Variants in SLC38A4 observed in about 807,000 individuals in gnomAD.
SLC38A4 encodes solute carrier family 38 member 4, also known as sodium-coupled neutral amino acid transporter 4.
In SLC38A4, 20 loss-of-function variants were observed where a neutral mutation model predicts 63.1. The ratio of observed to expected loss-of-function variants is 0.32; its 90% CI spans 0.22 to 0.46. SLC38A4 has a LOEUF of 0.46. Among genes scored for constraint, SLC38A4 ranks in the 20% least tolerant of loss-of-function variants. The probability of loss-of-function intolerance (pLI) is 1.00; values close to 1 mark genes in which losing one functional copy is unlikely to be tolerated. For synonymous variants in SLC38A4, 230 were observed against 225.5 expected, an observed-to-expected ratio of 1.02 and a Z score of -0.18; for missense variants, 526 against 663.6, an observed-to-expected ratio of 0.79 and a Z score of 2.28.
intron 12 of SLC38A4, among the ~76,000 whole-genome samples, chr12:46,778,080 T>C (rs1456287203): frequency 1.3e-5 from 2 of 151,900 alleles, no homozygotes; most frequent in Admixed American, 1.3e-4. Flanking sequence ...TGAACCATTA[T>C]GGTGGAGAGA....
At position 46,817,552 on chromosome 12, in the gene SLC38A4, T is replaced by C. The variant is rs374740427; in HGVS notation, c.-305+8351A>G. 1.6e-3 allele frequency among the ~76,000 whole-genome samples: 240 copies of C among 151,916 alleles called. 3 individuals carry two copies. In the South Asian group the frequency reaches 0.044, roughly 28 times the overall value. On this transcript the variant is annotated intron_variant, in intron 1 of 16. Coordinates refer to ENST00000266579, the MANE Select transcript of SLC38A4 (RefSeq NM_018018.5). ...TCACAAGGTACAAATTGCCAACCCT[T>C]CTTGCACTTATTGTTGCTCCCTCCC...
chr12:46,812,657 A>C (rs1196471151), intron 1 of SLC38A4, among the ~76,000 whole-genome samples: 1 of 152,100 alleles, frequency 6.6e-6, no homozygotes, highest in Non-Finnish European at 1.5e-5. Flanking sequence ...TTAGTAAATT[A>C]AAGCAAGGAA....
chr12:46,775,479 G>A (rs2075335), intron 13 of SLC38A4, among the ~76,000 whole-genome samples: 3,745 of 151,994 alleles, frequency 0.025, 181 homozygotes, highest in East Asian at 0.23. Context: ...AGAGACCAAG[G>A]TGCTCTTGTT....
chr12:46,778,802 A>C, intron 10 of SLC38A4, 26 bp from the exon 11 acceptor site: 2 of 1,595,574 alleles, frequency 1.3e-6, no homozygotes, highest in Non-Finnish European at 1.7e-6. Context: ...AAAAAAGAAA[A>C]AAAAATCAGC....
chr12:46,809,196 G>C (rs549615607), intron 1 of SLC38A4, among the ~76,000 whole-genome samples: 1 of 152,056 alleles, frequency 6.6e-6, no homozygotes, highest in African/African-American at 2.4e-5. Context: ...AAGCAAGGGG[G>C]CCCTCCTAAA....
intron 1 of SLC38A4, among the ~76,000 whole-genome samples, chr12:46,804,388 T>C (rs952958927): frequency 1.3e-5 from 2 of 152,062 alleles, no homozygotes; most frequent in Non-Finnish European, 2.9e-5. Context: ...CCATATTTTA[T>C]ATGTTGGCAA....
chr12:46,800,564 G>C (rs1037369362), intron 2 of SLC38A4, among the ~76,000 whole-genome samples: 1 of 151,846 alleles, frequency 6.6e-6, no homozygotes, highest in African/African-American at 2.4e-5. Context: ...ATCTTTAAAG[G>C]CCAATTGGTC....
intron 13 of SLC38A4, among the ~76,000 whole-genome samples, chr12:46,776,670 G>A (rs1938532194): frequency 6.6e-6 from 1 of 151,958 alleles, no homozygotes; most frequent in African/African-American, 2.4e-5. Flanking sequence ...TTGTTTGAGG[G>A]ATATTTTTTA....
intron 1 of SLC38A4, among the ~76,000 whole-genome samples, chr12:46,804,021 C>G (rs1592190756): frequency 6.6e-6 from 1 of 151,990 alleles, no homozygotes; most frequent in East Asian, 1.9e-4. Context: ...GAATTGAAGT[C>G]AAAGCAAAAC....
At chr12:46,806,745 C>T (rs1939240920) in intron 1 of SLC38A4, among the ~76,000 whole-genome samples, 1 of 151,968 alleles carries the variant, frequency 6.6e-6, no homozygotes, top group Admixed American at 6.6e-5. Flanking sequence ...ACACCCGTTT[C>T]ATCAATCTAT....
intron 3 of SLC38A4, among the ~76,000 whole-genome samples, chr12:46,792,234 G>GAA (rs1938905338): frequency 6.6e-6 from 1 of 152,002 alleles, no homozygotes; most frequent in South Asian, 2.1e-4. Context: ...CAGTAGAATG[G>GAA]GTACAGAAAA....
At chr12:46,818,233 G>A (rs1939478102) in intron 1 of SLC38A4, among the ~76,000 whole-genome samples, 1 of 151,802 alleles carries the variant, frequency 6.6e-6, no homozygotes, top group African/African-American at 2.4e-5. Flanking sequence ...GTAAACTATT[G>A]GTAGGTTACA....
At chr12:46,800,195 A>C (rs1051045550) in intron 2 of SLC38A4, among the ~76,000 whole-genome samples, 4 of 152,054 alleles carry the variant, frequency 2.6e-5, no homozygotes, top group African/African-American at 9.7e-5. Flanking sequence ...CCAACGTATC[A>C]CCAAGTCCTA....
At chr12:46,825,322 T>TATATAC (rs1247922280) in intron 1 of SLC38A4, among the ~76,000 whole-genome samples, 1 of 150,964 alleles carries the variant, frequency 6.6e-6, no homozygotes, top group Non-Finnish European at 1.5e-5. Context: ...TTTATATATA[T>TATATAC]ATATATATTC....
chr12:46,805,181 G>T (rs745370097), intron 1 of SLC38A4, among the ~76,000 whole-genome samples: 53 of 151,874 alleles, frequency 3.5e-4, no homozygotes, highest in Non-Finnish European at 7.4e-5. Flanking sequence ...CTTTGGCTTT[G>T]TTGTAATTCT....
intron 1 of SLC38A4, among the ~76,000 whole-genome samples, chr12:46,804,952 CAA>C (rs1939202432): frequency 1.3e-5 from 2 of 151,862 alleles, no homozygotes; most frequent in South Asian, 4.1e-4. Context: ...TTTCTGTTTG[CAA>C]AGTTACCAGA....
intron 1 of SLC38A4, among the ~76,000 whole-genome samples, chr12:46,807,412 T>C (rs1435708998): frequency 6.6e-6 from 1 of 151,992 alleles, no homozygotes; most frequent in East Asian, 1.9e-4. Flanking sequence ...ACATCATAGG[T>C]AAATGTCTAT....
upstream of SLC38A4, among the ~76,000 whole-genome samples, chr12:46,828,976 TCTC>T (rs1200310753): frequency 6.6e-6 from 1 of 152,190 alleles, no homozygotes; most frequent in African/African-American, 2.4e-5. Flanking sequence ...AAGTTTTTGT[TCTC>T]CTCCCTCTGG....
At chr12:46,821,188 T>C (rs1447447638) in intron 1 of SLC38A4, among the ~76,000 whole-genome samples, 1 of 152,120 alleles carries the variant, frequency 6.6e-6, no homozygotes, top group Non-Finnish European at 1.5e-5. Context: ...TGTCTATTTT[T>C]GCTTTTTTGC....
Sources: allele counts gnomAD v4.1 joint callset (sites outside exome capture counted in the v4.1 genomes callset), GRCh38; gene constraint gnomAD v4.1.1; transcripts MANE v1.5; gene names NCBI Gene and HGNC (gene_info 2026-07-23, HGNC 2026-07-21).